ATOSA: variants seen among roughly 807,000 people sequenced by gnomAD.
The protein encoded by ATOSA is atos homolog A, also known as atos homolog protein A.
the ATOSA span, among the ~76,000 whole-genome samples, chr15:52,624,780 ATT>A: frequency 2.1e-5 from 3 of 141,980 alleles, no homozygotes; most frequent in African/African-American, 2.6e-5. Flanking sequence ...GTACCTGCTT[ATT>A]TTTTTTTTTT....
chr15:52,665,559 T>C, the ATOSA span, among the ~76,000 whole-genome samples: 3,066 of 152,184 alleles, frequency 0.02, 48 homozygotes, highest in Non-Finnish European at 0.028. Flanking sequence ...CTTTTTTTTT[T>C]ACCATAATCA....
At chr15:52,661,604 A>G in the ATOSA span, among the ~76,000 whole-genome samples, 48 of 152,198 alleles carry the variant, frequency 3.2e-4, no homozygotes, top group Non-Finnish European at 2.9e-4. Context: ...TCAGCTTTTT[A>G]AAGTGGATTT....
chr15:52,619,015 G>C, the ATOSA span, among the ~76,000 whole-genome samples: 1 of 152,190 alleles, frequency 6.6e-6, no homozygotes, highest in African/African-American at 2.4e-5. Context: ...TGAAACAAAA[G>C]ATTAGAGATG....
chr15:52,687,651 A>C, the ATOSA span, among the ~76,000 whole-genome samples: 3 of 152,204 alleles, frequency 2.0e-5, no homozygotes. Flanking sequence ...GGCATGTTAG[A>C]ACATATCAAG....
the ATOSA span, among the ~76,000 whole-genome samples, chr15:52,617,975 T>C: frequency 2.6e-5 from 4 of 152,134 alleles, no homozygotes; most frequent in Middle Eastern, 3.4e-3. Flanking sequence ...AGAGCATTAA[T>C]GTATATGATC....
At chr15:52,600,017 A>G in the ATOSA span, 1 of 504,634 alleles carries the variant, frequency 2.0e-6, no homozygotes, top group South Asian at 3.4e-5. Flanking sequence ...GCTTGAAAAA[A>G]GACAATTATT....
At chr15:52,661,095 A>T in the ATOSA span, among the ~76,000 whole-genome samples, 1 of 152,238 alleles carries the variant, frequency 6.6e-6, no homozygotes, top group East Asian at 1.9e-4. Flanking sequence ...CTAAATAATT[A>T]GTTTATACCA....
chr15:52,708,183 A>G, the ATOSA span, among the ~76,000 whole-genome samples: 1 of 152,352 alleles, frequency 6.6e-6, no homozygotes, highest in South Asian at 2.1e-4. Context: ...CACTTTCAGC[A>G]TCTTGGGAGA....
At chr15:52,690,717 T>A in the ATOSA span, among the ~76,000 whole-genome samples, 1 of 152,152 alleles carries the variant, frequency 6.6e-6, no homozygotes, top group African/African-American at 2.4e-5. Flanking sequence ...TTTGCAACAG[T>A]GGTAATGTGC....
the ATOSA span, chr15:52,598,751 A>G: frequency 1.3e-5 from 2 of 151,024 alleles, no homozygotes; most frequent in African/African-American, 4.9e-5. Context: ...CATGGTTTGC[A>G]TATTGTCCCC....
At chr15:52,616,115 A>G in the ATOSA span, among the ~76,000 whole-genome samples, 2 of 152,240 alleles carry the variant, frequency 1.3e-5, no homozygotes, top group African/African-American at 4.8e-5. Context: ...AACCAAATAC[A>G]TATTATAACG....
the ATOSA span, chr15:52,609,400 C>T: frequency 1.1e-5 from 18 of 1,613,594 alleles, no homozygotes; most frequent in Admixed American, 5.0e-5. Flanking sequence ...GAATGACTGC[C>T]GGGGGATATG....
chr15:52,591,299 C>T, the ATOSA span, among the ~76,000 whole-genome samples: 2 of 152,170 alleles, frequency 1.3e-5, no homozygotes, highest in Non-Finnish European at 2.9e-5. Context: ...GACGCGATCT[C>T]GGCTCACTGC....
chr15:52,603,683 G>C, the ATOSA span, among the ~76,000 whole-genome samples: 3 of 152,288 alleles, frequency 2.0e-5, no homozygotes, highest in South Asian at 6.2e-4. Flanking sequence ...GCAACAATAT[G>C]AATGAAACTG....
the ATOSA span, among the ~76,000 whole-genome samples, chr15:52,627,623 C>T: frequency 6.6e-6 from 1 of 151,414 alleles, no homozygotes; most frequent in African/African-American, 2.4e-5. Context: ...ATCAGCCCTA[C>T]ATTAAGGGAG....
chr15:52,650,461 T>A, the ATOSA span, among the ~76,000 whole-genome samples: 1 of 152,202 alleles, frequency 6.6e-6, no homozygotes, highest in African/African-American at 2.4e-5. Flanking sequence ...TAAGGACTAT[T>A]TTGTAAATTT....
chr15:52,582,026 T>C, the ATOSA span: 3 of 710,294 alleles, frequency 4.2e-6, no homozygotes, highest in Non-Finnish European at 6.4e-6. Flanking sequence ...AATCCTTTCA[T>C]AAAAACTGGT....
chr15:52,591,805 T>A, the ATOSA span, among the ~76,000 whole-genome samples: 1 of 152,186 alleles, frequency 6.6e-6, no homozygotes, highest in African/African-American at 2.4e-5. Context: ...TACATCTTTC[T>A]ATGGTAAATG....
At chr15:52,635,766 G>T in the ATOSA span, among the ~76,000 whole-genome samples, 1 of 152,172 alleles carries the variant, frequency 6.6e-6, no homozygotes, top group Non-Finnish European at 1.5e-5. Flanking sequence ...CACAGGCCAA[G>T]GTGGGTGGAT....
Sources: allele counts gnomAD v4.1 joint callset (sites outside exome capture counted in the v4.1 genomes callset), GRCh38; gene constraint gnomAD v4.1.1; transcripts MANE v1.5; gene names NCBI Gene and HGNC (gene_info 2026-07-23, HGNC 2026-07-21).